Variants in CSMD1 observed in about 807,000 individuals in gnomAD.
CSMD1 encodes CUB and Sushi multiple domains 1, also known as CUB and sushi domain-containing protein 1.
CSMD1 carries 213 observed loss-of-function variants against 417.5 expected under a neutral mutation model. The observed-to-expected ratio is 0.51, with a 90% CI of 0.46 to 0.57. CSMD1 has a LOEUF of 0.57. Ranked by LOEUF, CSMD1 falls within the 20% of genes least tolerant of loss-of-function variation. The pLI is 0.00. For synonymous variants in CSMD1, 2,862 were observed against 1,736.8 expected (o/e 1.65, Z -16.11); for missense variants, 6,923 against 4,529.7 (o/e 1.53, Z -15.17).
At chr8:4,952,376 T>C (rs1402330496) in intron 1 of CSMD1, among the ~76,000 whole-genome samples, 2 of 151,950 alleles carry the variant, frequency 1.3e-5, no homozygotes, top group African/African-American at 2.4e-5. Context: ...TTGATTCAAA[T>C]GTCCACACAG....
At chr8:4,455,575 T>C (rs1799417114) in intron 2 of CSMD1, among the ~76,000 whole-genome samples, 1 of 152,084 alleles carries the variant, frequency 6.6e-6, no homozygotes, top group African/African-American at 2.4e-5. Flanking sequence ...GCTTGTGAGA[T>C]CAAATTGACA....
intron 3 of CSMD1, among the ~76,000 whole-genome samples, chr8:4,136,143 A>AT (rs1008445073): frequency 4.6e-5 from 7 of 152,232 alleles, no homozygotes; most frequent in Admixed American, 4.6e-4. Flanking sequence ...AAGAACTGCT[A>AT]TAACTATACT....
intron 8 of CSMD1, among the ~76,000 whole-genome samples, chr8:3,606,735 A>G (rs1801634983): frequency 6.7e-6 from 1 of 148,904 alleles, no homozygotes; most frequent in South Asian, 2.1e-4. Context: ...TTTTTGAGAC[A>G]GAGTCTCACT....
At chr8:3,827,022 T>G (rs1802093762) in intron 5 of CSMD1, among the ~76,000 whole-genome samples, 1 of 152,122 alleles carries the variant, frequency 6.6e-6, no homozygotes, top group Admixed American at 6.5e-5. Flanking sequence ...TATGAAGTGA[T>G]CCTCCCATCT....
In CSMD1 at chr8:4,644,986, G is replaced by C. The variant is rs551884104; in HGVS notation, c.86-7428C>G. ...TCATAGGGAAGCAGGGAAAGCAGTG[G>C]TACTTGAAAGAACTATAAATCTATA... is the stretch of plus-strand genomic sequence containing the variant. On this transcript the variant is annotated intron_variant, in intron 1 of 69. Transcript: ENST00000635120. Among the ~76,000 whole-genome samples, 4 of 152,284 alleles carry C rather than the reference G, an allele frequency of 2.6e-5. No individual in the cohort carries two copies. The South Asian group carries it at 8.3e-4, about 32-fold the overall frequency.
chr8:4,813,917 C>T (rs1304973581), intron 1 of CSMD1, among the ~76,000 whole-genome samples: 1 of 152,122 alleles, frequency 6.6e-6, no homozygotes, highest in Admixed American at 6.6e-5. Context: ...CTCTAAATTT[C>T]TTAAATGTTT....
intron 1 of CSMD1, among the ~76,000 whole-genome samples, chr8:4,748,373 T>C (rs547832946): frequency 6.6e-6 from 1 of 152,240 alleles, no homozygotes. Context: ...GGTTTTCTGC[T>C]CCTTTGAATA....
intron 3 of CSMD1, among the ~76,000 whole-genome samples, chr8:4,039,121 A>G (rs1354154599): frequency 1.3e-5 from 2 of 152,196 alleles, no homozygotes; most frequent in East Asian, 3.8e-4. Flanking sequence ...AAAATTCATC[A>G]AAGCAACGGC....
At chr8:3,207,835 C>G (rs1397021792) in intron 30 of CSMD1, among the ~76,000 whole-genome samples, 1 of 152,168 alleles carries the variant, frequency 6.6e-6, no homozygotes, top group Non-Finnish European at 1.5e-5. Context: ...CTCTAAAACA[C>G]TTCTATTTAG....
At chr8:4,787,881 G>C (rs956316969) in intron 1 of CSMD1, 13 of 1,578,108 alleles carry the variant, frequency 8.2e-6, no homozygotes, top group Non-Finnish European at 1.1e-5. Flanking sequence ...TGGTTGATAT[G>C]AAGATTGAAT....
At chr8:3,620,602 T>A (rs890449889) in intron 7 of CSMD1, among the ~76,000 whole-genome samples, 1 of 152,118 alleles carries the variant, frequency 6.6e-6, no homozygotes, top group Non-Finnish European at 1.5e-5. Context: ...GATACTGCCA[T>A]CATTGTAGGA....
At chr8:4,263,270 T>A (rs774967268) in intron 3 of CSMD1, among the ~76,000 whole-genome samples, 2 of 152,034 alleles carry the variant, frequency 1.3e-5, no homozygotes, top group African/African-American at 2.4e-5. Flanking sequence ...AAGGTTAGAT[T>A]TCTTAAACAA....
intron 1 of CSMD1, among the ~76,000 whole-genome samples, chr8:4,866,303 C>A (rs143141549): frequency 6.6e-6 from 1 of 152,024 alleles, no homozygotes; most frequent in Non-Finnish European, 1.5e-5. Context: ...ATTTTATTAT[C>A]TAGTGATCTA....
At chr8:3,677,758 A>T (rs1409700451) in intron 7 of CSMD1, among the ~76,000 whole-genome samples, 2 of 152,206 alleles carry the variant, frequency 1.3e-5, no homozygotes, top group Non-Finnish European at 2.9e-5. Flanking sequence ...TGTAAAACGG[A>T]AATGAAAACT....
At chr8:4,700,825 A>G (rs1807482073) in intron 1 of CSMD1, among the ~76,000 whole-genome samples, 1 of 152,218 alleles carries the variant, frequency 6.6e-6, no homozygotes, top group South Asian at 2.1e-4. Flanking sequence ...AGCATGAAAA[A>G]AAGGTAACAG....
At chr8:3,607,308 T>C (rs1005021655) in intron 8 of CSMD1, among the ~76,000 whole-genome samples, 1 of 152,200 alleles carries the variant, frequency 6.6e-6, no homozygotes, top group Non-Finnish European at 1.5e-5. Context: ...TCATGTCCAA[T>C]GATCACAATT....
At chr8:4,768,180 G>A (rs1384703634) in intron 1 of CSMD1, among the ~76,000 whole-genome samples, 1 of 152,132 alleles carries the variant, frequency 6.6e-6, no homozygotes, top group Non-Finnish European at 1.5e-5. Context: ...GGACATTGAT[G>A]GATGACTTTG....
At chr8:3,005,112 C>A (rs1807767552) in intron 52 of CSMD1, among the ~76,000 whole-genome samples, 1 of 152,142 alleles carries the variant, frequency 6.6e-6, no homozygotes, top group Non-Finnish European at 1.5e-5. Flanking sequence ...GCACTCCAGC[C>A]TGGACGACAG....
chr8:3,068,905 C>T (rs368501686), intron 49 of CSMD1, among the ~76,000 whole-genome samples: 24 of 152,094 alleles, frequency 1.6e-4, no homozygotes, highest in East Asian at 1.4e-3. Flanking sequence ...CTCCCCTGAC[C>T]CCTCCCAATT....
Sources: allele counts gnomAD v4.1 joint callset (sites outside exome capture counted in the v4.1 genomes callset), GRCh38; gene constraint gnomAD v4.1.1; transcripts MANE v1.5; gene names NCBI Gene and HGNC (gene_info 2026-07-23, HGNC 2026-07-21).